The following RUFY4 variants were observed in gnomAD, a reference collection of about 807,000 sequenced individuals.
The protein encoded by RUFY4 is RUN and FYVE domain containing 4.
RUFY4 carries 73 observed loss-of-function variants against 69.0 expected under a neutral mutation model. The ratio of observed to expected loss-of-function variants is 1.06; its 90% CI spans 0.88 to 1.29. The LOEUF (loss-of-function observed/expected upper bound fraction) is 1.29, where lower values mean the gene tolerates loss of function less well. Among genes scored for constraint, RUFY4 ranks in the 50% most tolerant of loss-of-function variants. RUFY4 has a pLI of 0.00. For synonymous variants in RUFY4, 287 were observed against 271.8 expected, an observed-to-expected ratio of 1.06 and a Z score of -0.55; for missense variants, 770 against 705.6, an observed-to-expected ratio of 1.09 and a Z score of -1.03.
At chr2:218,076,372 C>T in intron 7 of RUFY4, 55 bp from the exon 10 acceptor site, 2 of 1,536,758 alleles carry the variant, frequency 1.3e-6, no homozygotes, top group Non-Finnish European at 1.8e-6. Context: ...AGCCCCAGCA[C>T]TGGGGTCTCT....
chr2:218,075,065 G>T (rs762963554), intron 6 of RUFY4, 28 bp from the exon 9 acceptor site: 6 of 1,487,204 alleles, frequency 4.0e-6, no homozygotes, highest in East Asian at 2.5e-5. Flanking sequence ...TGCTGAGAGG[G>T]ATGACTGGTT....
rs56242889 is a variant in RUFY4 at position 218,076,421 on chromosome 2, C to T, written c.1249-6C>T. On this transcript the variant is annotated splice_polypyrimidine_tract_variant and splice_region_variant and intron_variant, in intron 7 of 10. Coordinates refer to ENST00000344321, the Ensembl canonical transcript of RUFY4. ...AGCCTCCTTCTCCCCTCCTTCCACC[C>T]CACAGAGCCTCAGACTTGGGCTCCG... 4.1e-5 allele frequency: 64 copies of T among 1,549,372 alleles called. No individual in the cohort carries two copies. The highest frequency in any genetic ancestry group is 5.3e-5 in the Non-Finnish European group (61 of 1,146,300).
chr2:218,045,479 A>G (rs1688805074), intron 2 of RUFY4, among the ~76,000 whole-genome samples: 1 of 152,214 alleles, frequency 6.6e-6, no homozygotes, highest in South Asian at 2.1e-4. Flanking sequence ...TAAGTTATTG[A>G]CAGCTCATAA....
intron 2 of RUFY4, among the ~76,000 whole-genome samples, chr2:218,048,743 T>G (rs546689237): frequency 6.6e-6 from 1 of 152,318 alleles, no homozygotes; most frequent in African/African-American, 2.4e-5. Context: ...CCTTGTAGGA[T>G]TATGCCTTTT....
intron 5 of RUFY4, 67 bp downstream of exon 7, chr2:218,073,453 G>A (rs1689545150): frequency 6.5e-7 from 1 of 1,548,830 alleles, no homozygotes; most frequent in African/African-American, 1.4e-5. Context: ...AAGGGTCCCA[G>A]GCAAGCCCCA....
At chr2:218,083,372 T>G in intron 9 of RUFY4, 116 bp downstream of exon 11, 1 of 1,320,012 alleles carries the variant, frequency 7.6e-7, no homozygotes, top group Non-Finnish European at 1.0e-6. Context: ...TCTAGACCTT[T>G]TATATAAGCT....
chr2:218,089,323 G>T (rs368559974), exon 10 of RUFY4: 3 of 1,613,916 alleles, frequency 1.9e-6, no homozygotes, highest in Non-Finnish European at 2.5e-6. Flanking sequence ...GTGGCCTGTA[G>T]CAAGATCTTT....
intron 2 of RUFY4, among the ~76,000 whole-genome samples, chr2:218,040,649 C>T (rs1438106383): frequency 1.3e-5 from 2 of 152,034 alleles, no homozygotes; most frequent in African/African-American, 4.8e-5. Flanking sequence ...TTATACCTTG[C>T]CCTTTTGTGG....
chr2:218,036,975 G>T (rs920932187), intron 2 of RUFY4, among the ~76,000 whole-genome samples: 17 of 152,170 alleles, frequency 1.1e-4, no homozygotes, highest in African/African-American at 3.9e-4. Context: ...GGAGAAAATT[G>T]GATTGGAGGA....
chr2:218,067,016 C>G (rs991201702), upstream of RUFY4, among the ~76,000 whole-genome samples: 3 of 152,270 alleles, frequency 2.0e-5, no homozygotes, highest in African/African-American at 7.2e-5. Context: ...AATATTTCAA[C>G]ACGCTAATAC....
chr2:218,069,459 G>A (rs1167789015), upstream of RUFY4: 1 of 152,106 alleles, frequency 6.6e-6, no homozygotes, highest in Non-Finnish European at 1.5e-5. Flanking sequence ...GACACATGGA[G>A]CCGTTCATGG....
At chr2:218,076,156 A>G (rs1433834777) in intron 7 of RUFY4, among the ~76,000 whole-genome samples, 1 of 152,148 alleles carries the variant, frequency 6.6e-6, no homozygotes, top group African/African-American at 2.4e-5. Flanking sequence ...GTCACTCAAG[A>G]TTGTCACCAA....
chr2:218,086,021 G>A (rs1689886306), intron 9 of RUFY4, among the ~76,000 whole-genome samples: 1 of 152,176 alleles, frequency 6.6e-6, no homozygotes, highest in Non-Finnish European at 1.5e-5. Flanking sequence ...CATCTTCCAT[G>A]AAACAGGATG....
chr2:218,059,962 T>G, intron 3 of RUFY4: 1 of 172,928 alleles, frequency 5.8e-6, no homozygotes, highest in Non-Finnish European at 1.4e-5. Context: ...GAATTCCACT[T>G]TCTCTGCACC....
At chr2:218,051,647 G>C (rs957870545) in intron 2 of RUFY4, among the ~76,000 whole-genome samples, 2 of 151,578 alleles carry the variant, frequency 1.3e-5, no homozygotes, top group Non-Finnish European at 2.9e-5. Context: ...ACCTAAGCAA[G>C]TTGGGGAGGG....
At chr2:218,056,176 TTTGGTTCAAAACCATTGTACAAA>T (rs1430276512) in intron 2 of RUFY4, among the ~76,000 whole-genome samples, 1 of 152,150 alleles carries the variant, frequency 6.6e-6, no homozygotes, top group Non-Finnish European at 1.5e-5. Flanking sequence ...GGCTTGGGCT[TTTGGTTCAAAACCATTGTACAAA>T]TTGGATTTAT....
At chr2:218,087,381 A>G (rs185682250) in intron 9 of RUFY4, among the ~76,000 whole-genome samples, 109 of 152,268 alleles carry the variant, frequency 7.2e-4, no homozygotes, top group African/African-American at 2.4e-3. Flanking sequence ...ACCATTTTGG[A>G]TGCTGTGAGA....
intron 6 of RUFY4, among the ~76,000 whole-genome samples, 165 bp from the exon 9 acceptor site, chr2:218,074,928 G>A (rs1559433772): frequency 6.6e-6 from 1 of 152,140 alleles, no homozygotes; most frequent in African/African-American, 2.4e-5. Context: ...CCTGGGTGTT[G>A]CTAAAAGTCA....
intron 2 of RUFY4, among the ~76,000 whole-genome samples, chr2:218,043,498 T>C (rs145803312): frequency 5.3e-5 from 8 of 152,126 alleles, no homozygotes; most frequent in African/African-American, 1.9e-4. Context: ...GCAGAGAGAG[T>C]AGGTCCTCTC....
Sources: gnomAD v4.1 joint callset for allele counts (sites outside exome capture counted in the v4.1 genomes callset) on GRCh38, gnomAD v4.1.1 for gene constraint, MANE v1.5 for transcripts, NCBI Gene and HGNC (gene_info 2026-07-23, HGNC 2026-07-21) for gene names.